MED12L: variants seen among roughly 807,000 people sequenced by gnomAD.
MED12L encodes the protein mediator complex subunit 12L, also known as mediator of RNA polymerase II transcription subunit 12-like protein.
MED12L carries 60 observed loss-of-function variants against 281.3 expected under a neutral mutation model. That is an observed-to-expected ratio of 0.21 (90% CI 0.17 to 0.26). The LOEUF is 0.26. Among genes scored for constraint, MED12L ranks in the 10% least tolerant of loss-of-function variants. The pLI, the probability that MED12L is intolerant of heterozygous loss-of-function variation, is 1.00. For missense variants in MED12L, 2,146 were observed against 2,680.9 expected, an observed-to-expected ratio of 0.80 and a Z score of 4.41; for synonymous variants, 974 against 987.2, an observed-to-expected ratio of 0.99 and a Z score of 0.25.
At chr3:151,104,942 C>T (rs1015252333) in intron 2 of MED12L, among the ~76,000 whole-genome samples, 1 of 152,154 alleles carries the variant, frequency 6.6e-6, no homozygotes, top group Non-Finnish European at 1.5e-5. Flanking sequence ...TAGGACCCAC[C>T]CTAATTCAGC....
At chr3:151,164,167 ACT>A in intron 9 of MED12L, 125 bp downstream of exon 9, 5 of 956,418 alleles carry the variant, frequency 5.2e-6, no homozygotes, top group Non-Finnish European at 7.7e-6. Flanking sequence ...GCCTGCTAAC[ACT>A]CTGGGTGACC....
chr3:151,154,815 TA>T (rs1324803848), intron 5 of MED12L, among the ~76,000 whole-genome samples: 1 of 152,222 alleles, frequency 6.6e-6, no homozygotes, highest in Non-Finnish European at 1.5e-5. Context: ...CATGATGACA[TA>T]GATAGTTTAC....
rs1560120694 is a variant in MED12L at position 151,394,680 on chromosome 3, G to C, written c.5633G>C (p.Gly1878Ala). Reference protein sequence around the residue: ...TPGGSRLDPAGSFVPTNTKQA... With the variant: ...TPGGSRLDPAASFVPTNTKQA... ...GGTGGCTCCAGATTGGACCCTGCAG[G>C]CTCCTTTGTCCCAACCAACACCAAA... Residue 1878 changes from glycine (G) to alanine (A), a missense_variant, in exon 39 of 45, where the codon GGC becomes GCC. Around this residue, in one of 9 missense-constraint regions of MED12L, gnomAD observed 496 missense variants for 512.0 expected, o/e 0.97. Transcript: ENST00000687756. 4 of 1,614,130 alleles carry C rather than the reference G, an allele frequency of 2.5e-6. No individual in the cohort carries two copies. The highest frequency in any genetic ancestry group is 1.7e-5 in the Admixed American group (1 of 60,016).
chr3:151,198,527 T>C lies in MED12L; in HGVS notation c.2250+4861T>C, dbSNP rs747527096. The C allele has an allele frequency of 5.0e-6, 8 of 1,613,790 alleles. No homozygotes were observed. In the South Asian group the frequency reaches 8.8e-5, roughly 18 times the overall value. ...CTTTGAGCGGAATGCTTTTGAGAGG[T>C]GATAGTACAGGATAGGATCAAAGCA... On this transcript the variant is annotated intron_variant, in intron 16 of 44. Transcript: ENST00000687756.
chr3:151,335,989 A>C (rs1407956710), intron 16 of MED12L, among the ~76,000 whole-genome samples: 1 of 152,148 alleles, frequency 6.6e-6, no homozygotes, highest in East Asian at 1.9e-4. Flanking sequence ...TCCCCTCTGT[A>C]GTCTCCGAAC....
At chr3:151,259,725 G>T (rs1738507334) in intron 16 of MED12L, among the ~76,000 whole-genome samples, 1 of 152,192 alleles carries the variant, frequency 6.6e-6, no homozygotes, top group Non-Finnish European at 1.5e-5. Context: ...AATACTCTGT[G>T]TTAATCTTTC....
At chr3:151,195,108 A>G (rs1724478541) in intron 16 of MED12L, among the ~76,000 whole-genome samples, 1 of 152,006 alleles carries the variant, frequency 6.6e-6, no homozygotes, top group Non-Finnish European at 1.5e-5. Flanking sequence ...CCTTGCAGTG[A>G]GCCGAGATCA....
chr3:151,090,107 C>T (rs923250574), intron 2 of MED12L, among the ~76,000 whole-genome samples: 4 of 152,136 alleles, frequency 2.6e-5, no homozygotes, highest in African/African-American at 9.7e-5. Context: ...TTCCACTCAG[C>T]TCTTCTCACC....
At chr3:151,199,997 A>C (rs1367853504) in intron 16 of MED12L, among the ~76,000 whole-genome samples, 1 of 152,192 alleles carries the variant, frequency 6.6e-6, no homozygotes, top group East Asian at 1.9e-4. Context: ...CAAACAAAAA[A>C]ACCCACAACT....
At chr3:151,325,132 AT>A (rs985219174) in intron 16 of MED12L, among the ~76,000 whole-genome samples, 1 of 152,204 alleles carries the variant, frequency 6.6e-6, no homozygotes, top group Admixed American at 6.5e-5. Context: ...ATAAGATTGA[AT>A]GATTGTTTTA....
rs747740641 is a variant in MED12L, at chr3:151,190,742, G to T, written c.1779G>T (p.Lys593Asn). Residue 593 changes from lysine to asparagine, a missense_variant, in exon 14 of 45, where the codon AAG becomes AAT. By Grantham distance (94) the Lys-to-Asn change is moderately conservative. Transcript: ENST00000687756. ...CGGACCCAAACAGTGAATGTGAAAA[G>T]GTGGAATTTGTGAACCTGGTGCTGC... ...SLSDPNSECE[K>N]VEFVNLVLLF... 1 of 1,614,136 alleles carries T rather than the reference G, an allele frequency of 6.2e-7. No homozygotes were observed. The highest frequency in any genetic ancestry group is 1.1e-5 in the South Asian group (1 of 91,086).
At chr3:151,251,192 A>G (rs776192855) in intron 16 of MED12L, among the ~76,000 whole-genome samples, 37 of 151,996 alleles carry the variant, frequency 2.4e-4, no homozygotes, top group Non-Finnish European at 2.4e-4. Context: ...CTCTGCCAGC[A>G]TCTCTCACCA....
intron 43 of MED12L, chr3:151,425,797 C>T (rs756415643): frequency 6.1e-5 from 28 of 455,874 alleles, no homozygotes; most frequent in Non-Finnish European, 1.1e-4. Flanking sequence ...GAGGCATTTA[C>T]ACAGTACTAA....
chr3:151,111,276 A>G (rs1382611846), intron 2 of MED12L, among the ~76,000 whole-genome samples: 2 of 152,202 alleles, frequency 1.3e-5, no homozygotes, highest in Non-Finnish European at 2.9e-5. Flanking sequence ...AGCCATTTTT[A>G]TATGGTTTGA....
intron 12 of MED12L, among the ~76,000 whole-genome samples, chr3:151,185,901 A>ATT (rs1559852451): frequency 6.6e-6 from 1 of 152,218 alleles, no homozygotes; most frequent in African/African-American, 2.4e-5. Context: ...TTTAGAACAA[A>ATT]GAAATTTCTT....
chr3:151,339,448 G>T (rs528490692), intron 16 of MED12L, among the ~76,000 whole-genome samples: 2 of 146,278 alleles, frequency 1.4e-5, no homozygotes, highest in South Asian at 2.2e-4. Context: ...AAAAAAAGCT[G>T]ACCTTTTTTC....
intron 16 of MED12L, among the ~76,000 whole-genome samples, chr3:151,243,451 G>A (rs2149396256): frequency 6.6e-6 from 1 of 152,146 alleles, no homozygotes; most frequent in South Asian, 2.1e-4. Context: ...AAGAGAGTGG[G>A]GGCCAATATT....
At chr3:151,149,165 G>A (rs1252906091) in intron 5 of MED12L, among the ~76,000 whole-genome samples, 4 of 152,124 alleles carry the variant, frequency 2.6e-5, no homozygotes, top group African/African-American at 4.8e-5. Context: ...GTAGTTTTAC[G>A]GGGATGGAGG....
In MED12L at chr3:151,114,244, T is replaced by C. The variant is rs60358935; in HGVS notation, c.100-2094T>C. 3.8e-3 allele frequency among the ~76,000 whole-genome samples: 572 copies of C among 152,354 alleles called. 2 individuals are homozygous for C. Among genetic ancestry groups the C allele is most frequent in the African/African-American group, 0.013 (556 of 41,572 alleles). On this transcript the variant is annotated intron_variant, in intron 2 of 44. Coordinates refer to ENST00000687756, the MANE Select transcript of MED12L (RefSeq NM_001393769.1). ...GATAATGTACACGTAACTCATATTC[T>C]GTGCGGATCACGATTTCAGTGACCT... is the stretch of plus-strand genomic sequence containing the variant.
Sources: gnomAD v4.1 joint callset for allele counts (sites outside exome capture counted in the v4.1 genomes callset) on GRCh38, gnomAD v4.1.1 for gene constraint, gnomAD v4.1.1 regional missense constraint, MANE v1.5 for transcripts, NCBI Gene and HGNC (gene_info 2026-07-23, HGNC 2026-07-21) for gene names.